Variants in FILIP1L observed in about 807,000 individuals in gnomAD.
FILIP1L encodes the protein filamin A-interacting protein 1-like.
Under a neutral mutation model 96.6 loss-of-function variants are expected in FILIP1L, and 55 were observed. The observed-to-expected ratio is 0.57, with a 90% CI of 0.46 to 0.71. The LOEUF is 0.71. Among genes scored for constraint, FILIP1L ranks in the 30% least tolerant of loss-of-function variants. The pLI is 0.00. For missense variants in FILIP1L, 1,304 were observed against 1,321.2 expected, an observed-to-expected ratio of 0.99 and a Z score of 0.20; for synonymous variants, 467 against 473.9, an observed-to-expected ratio of 0.99 and a Z score of 0.19.
chr3:99,829,881 T>C lies in FILIP1L; in HGVS notation c.*533A>G, dbSNP rs375939330. Reference sequence around the variant, plus strand: ...CACTTTTGTTATGCTTTTCCTCCTTTAAGAATTATCACTTTGCTTTTTCCC... The same window carrying C: ...CACTTTTGTTATGCTTTTCCTCCTTCAAGAATTATCACTTTGCTTTTTCCC... On this transcript the variant is annotated 3_prime_UTR_variant, in exon 6 of 6. Coordinates refer to ENST00000477258, the MANE Select transcript of FILIP1L (RefSeq NM_001387850.1). Among the ~76,000 whole-genome samples the C allele has an allele frequency of 6.9e-4, 105 of 152,342 alleles. No individual in the cohort carries two copies. The highest frequency in any genetic ancestry group is 6.8e-3 in the Middle Eastern group (2 of 294).
intron 4 of FILIP1L, among the ~76,000 whole-genome samples, chr3:99,885,634 GCTGA>G (rs1576547586): frequency 1.3e-5 from 2 of 152,186 alleles, no homozygotes; most frequent in African/African-American, 4.8e-5. Context: ...CTGAAAGGTG[GCTGA>G]CTGACTTTTA....
intron 5 of FILIP1L, among the ~76,000 whole-genome samples, chr3:99,837,209 G>A (rs1399808984): frequency 6.6e-6 from 1 of 152,090 alleles, no homozygotes; most frequent in East Asian, 1.9e-4. Context: ...AGCATGATCC[G>A]TACTCACTGA....
chr3:100,043,918 A>G (rs113977953), intron 1 of FILIP1L, among the ~76,000 whole-genome samples: 78 of 152,342 alleles, frequency 5.1e-4, no homozygotes, highest in African/African-American at 1.9e-3. Context: ...TAGATTCTAC[A>G]TAGAAATGAG....
intron 1 of FILIP1L, among the ~76,000 whole-genome samples, chr3:100,026,493 T>C (rs371862245): frequency 2.6e-5 from 4 of 152,158 alleles, no homozygotes; most frequent in Non-Finnish European, 4.4e-5. Flanking sequence ...AATGCAGTTA[T>C]GTAGTTGACC....
intron 1 of FILIP1L, among the ~76,000 whole-genome samples, chr3:100,111,112 G>A (rs766539405): frequency 3.9e-5 from 6 of 152,090 alleles, no homozygotes; most frequent in Non-Finnish European, 7.4e-5. Flanking sequence ...GAAGAAAAAG[G>A]CAGTAGCTTA....
chr3:99,989,661 C>CCT, intron 1 of FILIP1L, among the ~76,000 whole-genome samples: 1 of 93,774 alleles, frequency 1.1e-5, no homozygotes, highest in Non-Finnish European at 2.1e-5. Flanking sequence ...TTAGTATCTT[C>CCT]CTCTATATAT....
chr3:99,943,338 C>T (rs1707907317), intron 1 of FILIP1L, among the ~76,000 whole-genome samples: 1 of 152,068 alleles, frequency 6.6e-6, no homozygotes, highest in Admixed American at 6.6e-5. Context: ...TAAGATAAAA[C>T]CTTCAATAAC....
chr3:99,905,420 CT>C (rs1268585374), intron 4 of FILIP1L, among the ~76,000 whole-genome samples: 2 of 152,184 alleles, frequency 1.3e-5, no homozygotes, highest in Admixed American at 6.5e-5. Flanking sequence ...GACTAATCTT[CT>C]TGTCATCAGG....
intron 4 of FILIP1L, among the ~76,000 whole-genome samples, chr3:99,895,443 A>G (rs1236149520): frequency 6.6e-6 from 1 of 151,088 alleles, no homozygotes; most frequent in East Asian, 1.9e-4. Context: ...GGCTTATTCA[A>G]GGTACTGTAT....
chr3:99,840,221 CTTTTTT>C (rs10935982), intron 5 of FILIP1L, among the ~76,000 whole-genome samples: 2 of 102,138 alleles, frequency 2.0e-5, no homozygotes, highest in South Asian at 7.3e-4. Flanking sequence ...TTCGTAGAAT[CTTTTTT>C]TTTTTTTTTT....
chr3:99,938,715 C>T (rs1031924862), intron 1 of FILIP1L, among the ~76,000 whole-genome samples: 1 of 152,080 alleles, frequency 6.6e-6, no homozygotes, highest in African/African-American at 2.4e-5. Flanking sequence ...TGTGATTCAT[C>T]TATGAAAATA....
At chr3:99,961,433 C>T (rs997894425) in intron 1 of FILIP1L, among the ~76,000 whole-genome samples, 2 of 152,122 alleles carry the variant, frequency 1.3e-5, no homozygotes, top group Non-Finnish European at 2.9e-5. Context: ...TATATGCATA[C>T]CCAGGAGCCC....
intron 4 of FILIP1L, among the ~76,000 whole-genome samples, chr3:99,873,936 C>T (rs1001063034): frequency 8.5e-5 from 13 of 152,172 alleles, no homozygotes; most frequent in African/African-American, 3.1e-4. Context: ...TGTAGAAATT[C>T]ACATTCATTC....
chr3:99,953,151 G>A (rs759425442), intron 1 of FILIP1L, among the ~76,000 whole-genome samples: 1 of 152,164 alleles, frequency 6.6e-6, no homozygotes, highest in African/African-American at 2.4e-5. Flanking sequence ...AGCATATGAA[G>A]TATTAAATAA....
chr3:99,979,468 A>G (rs1709058445), intron 1 of FILIP1L, among the ~76,000 whole-genome samples: 1 of 152,220 alleles, frequency 6.6e-6, no homozygotes, highest in Admixed American at 6.5e-5. Context: ...AATTTTGAAG[A>G]TGATGAACCA....
At chr3:100,056,086 G>A (rs191703227) in intron 1 of FILIP1L, among the ~76,000 whole-genome samples, 1 of 152,268 alleles carries the variant, frequency 6.6e-6, no homozygotes, top group Non-Finnish European at 1.5e-5. Context: ...TGCAAGCTAT[G>A]GTATACCAAG....
At chr3:99,912,018 AATTTTTAG>A (rs1706805384) in intron 4 of FILIP1L, among the ~76,000 whole-genome samples, 1 of 152,112 alleles carries the variant, frequency 6.6e-6, no homozygotes, top group Non-Finnish European at 1.5e-5. Context: ...TAAAAGTTTT[AATTTTTAG>A]AGTGTTAAGA....
chr3:100,027,784 T>C (rs2064953690), intron 1 of FILIP1L, among the ~76,000 whole-genome samples: 1 of 152,124 alleles, frequency 6.6e-6, no homozygotes, highest in Non-Finnish European at 1.5e-5. Flanking sequence ...GGGCAAGCAA[T>C]AAGTCAGAGG....
intron 1 of FILIP1L, among the ~76,000 whole-genome samples, chr3:100,042,415 G>A (rs1036561993): frequency 6.6e-6 from 1 of 152,172 alleles, no homozygotes; most frequent in African/African-American, 2.4e-5. Context: ...CAGCTAGCCT[G>A]TGAGCACCAT....
Sources: allele counts gnomAD v4.1 joint callset (sites outside exome capture counted in the v4.1 genomes callset), GRCh38; gene constraint gnomAD v4.1.1; transcripts MANE v1.5; gene names NCBI Gene and HGNC (gene_info 2026-07-23, HGNC 2026-07-21).